IQCH: variants seen among roughly 807,000 people sequenced by gnomAD.
IQCH encodes the protein IQ domain-containing protein H.
Under a neutral mutation model 117.0 loss-of-function variants are expected in IQCH, and 98 were observed. The ratio of observed to expected loss-of-function variants is 0.84; its 90% CI spans 0.71 to 0.99. The LOEUF (loss-of-function observed/expected upper bound fraction) is 0.99. Ranked by LOEUF, IQCH falls within the 50% of genes least tolerant of loss-of-function variation. The probability of loss-of-function intolerance (pLI) is 0.00; values close to 1 mark genes in which losing one functional copy is unlikely to be tolerated. For synonymous variants in IQCH, 412 were observed against 448.2 expected (o/e 0.92, Z 1.02); for missense variants, 1,102 against 1,243.8 (o/e 0.89, Z 1.72).
At chr15:67,260,985 A>T (rs1450938233) in intron 1 of IQCH, among the ~76,000 whole-genome samples, 3 of 151,828 alleles carry the variant, frequency 2.0e-5, no homozygotes, top group Non-Finnish European at 2.9e-5. Flanking sequence ...AATCCCAGCT[A>T]CTCAGGAGGC....
In IQCH at chr15:67,411,110, T is replaced by TA. The variant is rs1277212518; in HGVS notation, c.2098-5817dup. 4.6e-5 allele frequency among the ~76,000 whole-genome samples: 7 copies of TA among 152,160 alleles called. No homozygotes were observed. The highest frequency in any genetic ancestry group is 7.3e-5 in the Non-Finnish European group (5 of 68,028). On this transcript the variant is annotated intron_variant, in intron 14 of 20. Transcript: ENST00000335894. The surrounding 1 kb of genome is among the most constrained non-coding windows in gnomAD (Gnocchi z 4.4). ...ATTTTAATAAAGCCTAAAAAGTGAC[T>TA]AAAATGTATCCTGTGCACACGGAGG...
chr15:67,274,072 C>T (rs1260489120), intron 3 of IQCH, among the ~76,000 whole-genome samples: 1 of 152,188 alleles, frequency 6.6e-6, no homozygotes, highest in Non-Finnish European at 1.5e-5. Flanking sequence ...TTTGCTTCTT[C>T]TCTCTTGCTG....
chr15:67,277,761 C>T (rs1377018799), intron 3 of IQCH, among the ~76,000 whole-genome samples: 4 of 152,064 alleles, frequency 2.6e-5, no homozygotes, highest in African/African-American at 9.7e-5. Context: ...TCTCGATCTC[C>T]TGACCTCATG....
At chr15:67,285,454 C>T (rs537067445) in intron 4 of IQCH, among the ~76,000 whole-genome samples, 1 of 152,048 alleles carries the variant, frequency 6.6e-6, no homozygotes, top group African/African-American at 2.4e-5. Context: ...TAATTAGATC[C>T]CATTTGTCAA....
intron 4 of IQCH, among the ~76,000 whole-genome samples, chr15:67,298,037 A>C (rs184200707): frequency 3.5e-4 from 53 of 152,256 alleles, no homozygotes; most frequent in African/African-American, 1.2e-3. Context: ...GGCTGGGCAC[A>C]GTGGCTCACA....
intron 6 of IQCH, among the ~76,000 whole-genome samples, chr15:67,347,141 C>T (rs1969431609): frequency 6.6e-6 from 1 of 150,488 alleles, no homozygotes; most frequent in African/African-American, 2.4e-5. Context: ...GCAAATTATA[C>T]CCAAGCAAGC....
intron 10 of IQCH, among the ~76,000 whole-genome samples, chr15:67,378,058 C>T (rs1264568106): frequency 6.6e-6 from 1 of 152,114 alleles, no homozygotes; most frequent in Non-Finnish European, 1.5e-5. Flanking sequence ...TTGTGTGCAA[C>T]CGATCATATG....
At chr15:67,322,474 T>C (rs1441286759) in intron 4 of IQCH, among the ~76,000 whole-genome samples, 1 of 152,184 alleles carries the variant, frequency 6.6e-6, no homozygotes, top group Non-Finnish European at 1.5e-5. Context: ...TCATTTCCAT[T>C]TAATGAAATT....
At chr15:67,301,001 G>A (rs1966998812) in intron 4 of IQCH, among the ~76,000 whole-genome samples, 1 of 152,102 alleles carries the variant, frequency 6.6e-6, no homozygotes, top group Non-Finnish European at 1.5e-5. Flanking sequence ...ACAAACCAGA[G>A]TCTAAATGAG....
chr15:67,304,308 G>C, intron 4 of IQCH: 1 of 1,153,986 alleles, frequency 8.7e-7, no homozygotes, highest in Non-Finnish European at 1.2e-6. Context: ...TGTTCATCCA[G>C]CATGAAAGTT....
At chr15:67,363,021 T>TC (rs1970200446) in intron 8 of IQCH, among the ~76,000 whole-genome samples, 2 of 152,198 alleles carry the variant, frequency 1.3e-5, no homozygotes, top group Admixed American at 6.5e-5. Context: ...AGAGGGCAGT[T>TC]CTTAAGAGAA....
chr15:67,501,207 T>TACAAAAAAAA lies in IQCH; in HGVS notation c.*461_*462insACAAAAAAAA, dbSNP rs2083970637. 1 of 152,240 alleles carries TACAAAAAAAA rather than the reference T, an allele frequency of 6.6e-6. No individual in the cohort carries two copies. Among genetic ancestry groups the TACAAAAAAAA allele is most frequent in the Admixed American group, 6.5e-5 (1 of 15,284 alleles). The allele number at this position is 152,240 out of a possible 1,614,324, so 9.4% of individuals were successfully genotyped here. On this transcript the variant is annotated 3_prime_UTR_variant, in exon 21 of 21. Coordinates refer to ENST00000335894, the MANE Select transcript of IQCH (RefSeq NM_001031715.3). The surrounding 1 kb of genome is among the most constrained non-coding windows in gnomAD (Gnocchi z 5.2). ...TATTTGTCAAAACACAAATGCCTTT[T>TACAAAAAAAA]TTTCAAAGCTTCAAATTATATTGAA...
intron 16 of IQCH, among the ~76,000 whole-genome samples, chr15:67,464,338 A>G (rs2082878402): frequency 1.3e-5 from 2 of 152,250 alleles, no homozygotes; most frequent in African/African-American, 4.8e-5. Context: ...TATCATTGCC[A>G]GTTTAGCACA....
intron 4 of IQCH, among the ~76,000 whole-genome samples, chr15:67,331,204 A>G (rs1320079756): frequency 6.6e-6 from 1 of 152,186 alleles, no homozygotes; most frequent in African/African-American, 2.4e-5. Flanking sequence ...GGGGAAATGG[A>G]AGGGAGAATT....
chr15:67,273,392 T>A (rs925086845), intron 3 of IQCH, among the ~76,000 whole-genome samples: 4 of 152,200 alleles, frequency 2.6e-5, no homozygotes, highest in Non-Finnish European at 5.9e-5. Context: ...CCCAGCCCAT[T>A]GCTTTTTATT....
Position 67,363,235 on chromosome 15 carries a change from A to ATTT in IQCH, c.753+3367_753+3369dup, listed in dbSNP as rs368949063. 6.6e-3 allele frequency among the ~76,000 whole-genome samples: 875 copies of ATTT among 133,538 alleles called. 20 individuals carry two copies. The highest frequency in any genetic ancestry group is 0.021 in the African/African-American group (747 of 35,836). 87.6% of individuals were successfully genotyped at this position (133,538 alleles called of 152,430 possible). ...TCTTTTTTAAAAAACACAAATCTTG[A>ATTT]TTTTTTTTTTTTTTTTTTTAGATGG... On this transcript the variant is annotated intron_variant, in intron 8 of 20. Coordinates refer to ENST00000335894, the MANE Select transcript of IQCH (RefSeq NM_001031715.3).
At chr15:67,434,343 G>A (rs1245672531) in intron 16 of IQCH, among the ~76,000 whole-genome samples, 1 of 152,046 alleles carries the variant, frequency 6.6e-6, no homozygotes, top group Non-Finnish European at 1.5e-5. Context: ...TTGTCTTTCT[G>A]TGTCTGGCTT....
At position 67,369,607 on chromosome 15, in the gene IQCH, AAAG is replaced by A. The variant is rs1474619998; in HGVS notation, c.754-2498_754-2496del. On this transcript the variant is annotated intron_variant, in intron 8 of 20. Coordinates refer to ENST00000335894, the MANE Select transcript of IQCH (RefSeq NM_001031715.3). This position sits in a 1 kb window ranked among gnomAD's most constrained non-coding sequence, Gnocchi z 5.2. ...CAGAGGAAAAGAAAAAGAAGGAAAG[AAAG>A]AAGAAAGAAAGCCAACAAATAATAG... is the stretch of plus-strand genomic sequence containing the variant. 5.9e-5 allele frequency among the ~76,000 whole-genome samples: 9 copies of A among 152,084 alleles called. No homozygotes were observed. Among genetic ancestry groups the A allele is most frequent in the African/African-American group, 2.2e-4 (9 of 41,400 alleles).
chr15:67,299,162 AGGCATAGAAG>A (rs1167003777), intron 4 of IQCH, among the ~76,000 whole-genome samples: 1 of 152,044 alleles, frequency 6.6e-6, no homozygotes, highest in African/African-American at 2.4e-5. Flanking sequence ...GAAATAAGCC[AGGCATAGAAG>A]GGCAGGATTC....
Sources: allele counts gnomAD v4.1 joint callset (sites outside exome capture counted in the v4.1 genomes callset), GRCh38; gene constraint gnomAD v4.1.1; non-coding constraint Gnocchi (gnomAD v3.1); transcripts MANE v1.5; gene names NCBI Gene and HGNC (gene_info 2026-07-23, HGNC 2026-07-21).